Variants in EXOC6B observed in about 807,000 individuals in gnomAD.
EXOC6B encodes the protein exocyst complex component 6B, also known as SEC15 homolog B.
EXOC6B carries 54 observed loss-of-function variants against 113.5 expected under a neutral mutation model. The ratio of observed to expected loss-of-function variants is 0.48; its 90% confidence interval spans 0.38 to 0.60. The LOEUF (loss-of-function observed/expected upper bound fraction) is 0.60. Ranked by LOEUF, EXOC6B falls within the 20% of genes least tolerant of loss-of-function variation. The pLI is 0.00. For synonymous variants in EXOC6B, 357 were observed against 339.0 expected, an observed-to-expected ratio of 1.05 and a Z score of -0.58; for missense variants, 797 against 977.5, an observed-to-expected ratio of 0.82 and a Z score of 2.46.
At chr2:72,368,089 CCACCT>C (rs1036628811) in intron 19 of EXOC6B, among the ~76,000 whole-genome samples, 14 of 152,096 alleles carry the variant, frequency 9.2e-5, no homozygotes, top group African/African-American at 3.4e-4. Context: ...AATGCTTGCA[CCACCT>C]CTCTGCCAAT....
intron 6 of EXOC6B, among the ~76,000 whole-genome samples, chr2:72,585,490 G>C (rs1324478890): frequency 1.3e-5 from 2 of 152,004 alleles, no homozygotes; most frequent in African/African-American, 4.8e-5. Context: ...CTAGCTACTA[G>C]GGAGGCTGAG....
intron 8 of EXOC6B, among the ~76,000 whole-genome samples, chr2:72,541,724 G>C (rs903047744): frequency 6.6e-6 from 1 of 152,044 alleles, no homozygotes; most frequent in Non-Finnish European, 1.5e-5. Context: ...GCAGGTGTAG[G>C]TGGAGTGTGT....
In EXOC6B at chr2:72,731,150, C is replaced by T. The variant is rs1203688996; in HGVS notation, c.418+5G>A. ...AAGAATCCTTCTCCATTTCCAGTTC[C>T]TCACCTGGAAGACACAGCATTAATT... On this transcript the variant is annotated splice_donor_5th_base_variant and intron_variant, in intron 4 of 21. Coordinates refer to ENST00000272427, the MANE Select transcript of EXOC6B (RefSeq NM_015189.3). 1.2e-6 allele frequency: 2 copies of T among 1,608,924 alleles called. No individual in the cohort carries two copies. The highest frequency in any genetic ancestry group is 1.7e-6 in the Non-Finnish European group (2 of 1,176,812).
intron 20 of EXOC6B, among the ~76,000 whole-genome samples, chr2:72,258,979 GAAGT>G (rs1683533199): frequency 6.6e-6 from 1 of 152,084 alleles, no homozygotes; most frequent in Non-Finnish European, 1.5e-5. Context: ...GACACATTTT[GAAGT>G]AAGTTGTACA....
At chr2:72,378,827 C>T (rs1352201577) in intron 19 of EXOC6B, among the ~76,000 whole-genome samples, 3 of 152,166 alleles carry the variant, frequency 2.0e-5, no homozygotes, top group Admixed American at 2.0e-4. Flanking sequence ...TTCTCACCAA[C>T]AGCTCTTCAT....
At chr2:72,524,150 TAAAAAAAA>T (rs372964134) in intron 8 of EXOC6B, among the ~76,000 whole-genome samples, 3 of 116,758 alleles carry the variant, frequency 2.6e-5, no homozygotes, top group African/African-American at 6.1e-5. Context: ...ATACAGAGTT[TAAAAAAAA>T]AAAAAAAAAA....
chr2:72,213,542 A>AT lies in EXOC6B; in HGVS notation c.2197-29356dup, dbSNP rs372653297. On this transcript the variant is annotated intron_variant, in intron 20 of 21. Transcript: ENST00000272427. ...GGACATGGAGAAAATGGAGGAATGAATTGCCTTAGAATCTCTACAGTGACT... is the reference window on the plus strand; with the variant it reads ...GGACATGGAGAAAATGGAGGAATGAATTTGCCTTAGAATCTCTACAGTGACT... Among the ~76,000 whole-genome samples the AT allele has an allele frequency of 1.9e-3, 284 of 148,616 alleles. 3 individuals carry two copies. The highest frequency in any genetic ancestry group is 5.9e-3 in the African/African-American group (244 of 41,262).
intron 2 of EXOC6B, among the ~76,000 whole-genome samples, chr2:72,739,989 A>G (rs1419368973): frequency 6.6e-6 from 1 of 152,152 alleles, no homozygotes; most frequent in Non-Finnish European, 1.5e-5. Context: ...CCCCCACCCA[A>G]TGGGGACTAG....
intron 1 of EXOC6B, among the ~76,000 whole-genome samples, chr2:72,792,866 C>T (rs1051869171): frequency 6.6e-6 from 1 of 152,140 alleles, no homozygotes; most frequent in African/African-American, 2.4e-5. Flanking sequence ...TTATATTTCA[C>T]TATATATGTA....
intron 8 of EXOC6B, among the ~76,000 whole-genome samples, chr2:72,541,530 TA>T (rs1185116343): frequency 6.6e-6 from 1 of 152,218 alleles, no homozygotes; most frequent in Non-Finnish European, 1.5e-5. Flanking sequence ...CATGGTTTTT[TA>T]ATCTCTAGAT....
chr2:72,810,649 G>T (rs1012641682), intron 1 of EXOC6B, among the ~76,000 whole-genome samples: 1 of 151,818 alleles, frequency 6.6e-6, no homozygotes, highest in Non-Finnish European at 1.5e-5. Context: ...GAAAAACAAC[G>T]GAGAAAATCA....
At chr2:72,502,925 T>C (rs1700401500) in intron 11 of EXOC6B, among the ~76,000 whole-genome samples, 1 of 152,216 alleles carries the variant, frequency 6.6e-6, no homozygotes, top group Non-Finnish European at 1.5e-5. Flanking sequence ...CATTTGACTT[T>C]ATCTTCTTGA....
At chr2:72,263,791 A>C (rs1573120217) in intron 20 of EXOC6B, among the ~76,000 whole-genome samples, 1 of 152,202 alleles carries the variant, frequency 6.6e-6, no homozygotes, top group African/African-American at 2.4e-5. Context: ...GTAAATAAAT[A>C]CTTTATCCAC....
At chr2:72,297,951 G>A (rs1440711622) in intron 20 of EXOC6B, among the ~76,000 whole-genome samples, 1 of 152,208 alleles carries the variant, frequency 6.6e-6, no homozygotes, top group Non-Finnish European at 1.5e-5. Context: ...GTGCTCAGAA[G>A]AATGTATATT....
intron 1 of EXOC6B, among the ~76,000 whole-genome samples, chr2:72,811,493 G>A (rs977550059): frequency 6.6e-6 from 1 of 152,158 alleles, no homozygotes; most frequent in Non-Finnish European, 1.5e-5. Context: ...AATATTTGAA[G>A]CAGAATTAGC....
chr2:72,400,676 A>G lies in EXOC6B; in HGVS notation c.1981-20806T>C, dbSNP rs116355238. 5.4e-3 allele frequency among the ~76,000 whole-genome samples: 825 copies of G among 152,014 alleles called. 9 individuals are homozygous for G. Among genetic ancestry groups the G allele is most frequent in the African/African-American group, 0.019 (782 of 41,538 alleles). ...AAAAAAAGACATACGCAGCCAAAAA[A>G]AAAAAAGAAAAAATGCTCAACATCA... On this transcript the variant is annotated intron_variant, in intron 18 of 21. Coordinates refer to ENST00000272427, the MANE Select transcript of EXOC6B (RefSeq NM_015189.3).
intron 18 of EXOC6B, among the ~76,000 whole-genome samples, chr2:72,424,339 G>C (rs189202363): frequency 6.6e-6 from 1 of 151,800 alleles, no homozygotes; most frequent in East Asian, 1.9e-4. Context: ...TTTCCTGGAA[G>C]TCATTCATTT....
intron 6 of EXOC6B, among the ~76,000 whole-genome samples, chr2:72,622,142 G>A (rs993724493): frequency 6.6e-6 from 1 of 150,782 alleles, no homozygotes; most frequent in Non-Finnish European, 1.5e-5. Context: ...TATAGGATTA[G>A]AATGGGAAAA....
At chr2:72,443,475 A>T (rs1223092506) in intron 18 of EXOC6B, among the ~76,000 whole-genome samples, 1 of 152,142 alleles carries the variant, frequency 6.6e-6, no homozygotes, top group Non-Finnish European at 1.5e-5. Flanking sequence ...TCAATAAATG[A>T]TGCTGGGATA....
Sources: gnomAD v4.1 joint callset for allele counts (sites outside exome capture counted in the v4.1 genomes callset) on GRCh38, gnomAD v4.1.1 for gene constraint, MANE v1.5 for transcripts, NCBI Gene and HGNC (gene_info 2026-07-23, HGNC 2026-07-21) for gene names.